SRSF11: variants seen among roughly 807,000 people sequenced by gnomAD.
SRSF11 encodes serine and arginine rich splicing factor 11.
In SRSF11, 9 loss-of-function variants were observed where a neutral mutation model predicts 56.0. The ratio of observed to expected loss-of-function variants is 0.16; its 90% CI spans 0.10 to 0.28. The LOEUF (loss-of-function observed/expected upper bound fraction) is 0.28, where lower values mean the gene tolerates loss of function less well. SRSF11 is among the 10% of genes least tolerant of loss of function. The pLI is 1.00. For missense variants in SRSF11, 421 were observed against 600.7 expected (o/e 0.70, Z 3.13); for synonymous variants, 222 against 215.3 (o/e 1.03, Z -0.27).
intron 2 of SRSF11, 170 bp downstream of exon 2, chr1:70,228,725 T>C: frequency 7.7e-7 from 1 of 1,294,466 alleles, no homozygotes. Context: ...ATTCTAAAAA[T>C]TAGAAATTAG....
Position 70,252,516 on chromosome 1 carries a change from A to C in SRSF11, c.*1711A>C, listed in dbSNP as rs1678096672. 6.6e-6 allele frequency: 1 copy of C among 152,134 alleles called. No homozygotes were observed. Among genetic ancestry groups the C allele is most frequent in the Admixed American group, 6.6e-5 (1 of 15,266 alleles). 9.4% of individuals were successfully genotyped at this position (152,134 alleles called of 1,614,324 possible). A position where few individuals can be genotyped will look rare whatever the true frequency, so the allele number is the denominator to read the frequency against. ...TTTGTTTTTTTTAACCTAAAAACTG[A>C]AATGCCATATAGAAAAACAGCATTG... On this transcript the variant is annotated 3_prime_UTR_variant, in exon 12 of 12. Transcript: ENST00000370949.
intron 5 of SRSF11, 111 bp downstream of exon 5, chr1:70,235,661 A>G: frequency 2.0e-6 from 2 of 1,024,430 alleles, no homozygotes; most frequent in Middle Eastern, 2.6e-4. Flanking sequence ...TTCTCAAGAC[A>G]AGCAATATGT....
intron 2 of SRSF11, chr1:70,231,257 G>C (rs1317851088): frequency 1.3e-5 from 16 of 1,190,554 alleles, no homozygotes; most frequent in Non-Finnish European, 6.4e-6. Context: ...AAATACTACT[G>C]GTATTTGCAA....
At chr1:70,219,682 T>TTTCTTTAAAA (rs1271363548), upstream of SRSF11, among the ~76,000 whole-genome samples, 1 of 152,206 alleles carries the variant, frequency 6.6e-6, no homozygotes, top group Non-Finnish European at 1.5e-5. Flanking sequence ...GCTATATGCT[T>TTTCTTTAAAA]TTCTTTAAAA....
chr1:70,237,961 T>C (rs1334476200), intron 6 of SRSF11, among the ~76,000 whole-genome samples: 2 of 152,244 alleles, frequency 1.3e-5, no homozygotes, highest in African/African-American at 4.8e-5. Context: ...CTGTTTAAAA[T>C]GATATTTCTT....
At chr1:70,222,271 CTTATTG>C (rs1670818854) in intron 1 of SRSF11, among the ~76,000 whole-genome samples, 1 of 152,200 alleles carries the variant, frequency 6.6e-6, no homozygotes, top group African/African-American at 2.4e-5. Context: ...AGGTTGTTCA[CTTATTG>C]TTATTGCTGT....
chr1:70,232,423 T>A (rs768084444), intron 3 of SRSF11, 46 bp downstream of exon 3: 2 of 1,457,866 alleles, frequency 1.4e-6, no homozygotes, highest in South Asian at 2.5e-5. Context: ...AAAAACAGAA[T>A]TGTGCATAAA....
At chr1:70,219,479 C>A (rs1399000119), upstream of SRSF11, among the ~76,000 whole-genome samples, 1 of 152,184 alleles carries the variant, frequency 6.6e-6, no homozygotes, top group Non-Finnish European at 1.5e-5. Context: ...AAAGTCTGTA[C>A]ATGTTTAGAC....
chr1:70,244,624 A>G lies in SRSF11; in HGVS notation c.801-60A>G, dbSNP rs753035702. On this transcript the variant is annotated intron_variant, in intron 7 of 11. Coordinates refer to ENST00000370949, the MANE Select transcript of SRSF11 (RefSeq NM_001350605.2). ...CCGAATCTTTTGTCTGATACTAAGC[A>G]CAAAATTTATAGTCTTTTTACATTT... 645 of 1,562,368 alleles carry G rather than the reference A, an allele frequency of 4.1e-4. 2 individuals carry two copies. Among genetic ancestry groups the G allele is most frequent in the Non-Finnish European group, 5.4e-4 (623 of 1,147,586 alleles).
chr1:70,227,404 G>C (rs192961475), intron 1 of SRSF11, among the ~76,000 whole-genome samples: 284 of 152,214 alleles, frequency 1.9e-3, no homozygotes, highest in African/African-American at 6.7e-3. Flanking sequence ...AAAATTGTCA[G>C]AGAGAATTAA....
chr1:70,227,587 G>T (rs1266198476), intron 1 of SRSF11, among the ~76,000 whole-genome samples: 1 of 152,116 alleles, frequency 6.6e-6, no homozygotes, highest in African/African-American at 2.4e-5. Flanking sequence ...TTTGGTATGG[G>T]CTTGAGCCAT....
chr1:70,230,446 A>G, intron 2 of SRSF11: 1 of 1,185,550 alleles, frequency 8.4e-7, no homozygotes, highest in Non-Finnish European at 1.1e-6. Context: ...AGATAGCTGA[A>G]TTTGGAAGGA....
chr1:70,246,379 G>C (rs556280660), intron 8 of SRSF11, among the ~76,000 whole-genome samples: 1 of 152,246 alleles, frequency 6.6e-6, no homozygotes, highest in Non-Finnish European at 1.5e-5. Context: ...GATAGAGGTT[G>C]ACATGGGATG....
chr1:70,226,105 C>T (rs1011219384), intron 1 of SRSF11, among the ~76,000 whole-genome samples: 2 of 151,680 alleles, frequency 1.3e-5, no homozygotes, highest in African/African-American at 2.4e-5. Context: ...GCAGGAGAAT[C>T]GCTTGAACCT....
intron 1 of SRSF11, among the ~76,000 whole-genome samples, chr1:70,206,889 CT>C (rs755835751): frequency 0.093 from 11,108 of 118,948 alleles, 321 homozygotes; most frequent in East Asian, 0.26. Context: ...GGATTTTTGT[CT>C]TTTTTTTTTT....
upstream of SRSF11, chr1:70,218,695 TATAGTAGGCACTC>T (rs1670240422): frequency 6.6e-6 from 1 of 152,218 alleles, no homozygotes; most frequent in Non-Finnish European, 1.5e-5. Context: ...ATGCGTGGCA[TATAGTAGGCACTC>T]ACAATAAATG....
chr1:70,247,300 G>A (rs1676978832), intron 9 of SRSF11, among the ~76,000 whole-genome samples: 1 of 151,966 alleles, frequency 6.6e-6, no homozygotes, highest in Non-Finnish European at 1.5e-5. Flanking sequence ...TGAATTAATG[G>A]GAAGCAATGC....
Position 70,250,764 on chromosome 1 carries a change from G to C in SRSF11, c.1414G>C (p.Gly472Arg). The change falls in exon 12 of 12, where the codon GGG becomes CGG. Residue 472 changes from glycine to arginine, a missense_variant. Physicochemically the swap from Gly to Arg is moderately radical, Grantham distance 125. Transcript: ENST00000370949. ...TTCACTAAGAGAATCCAAAGTGAAT[G>C]GGGATGATCATCATGAAGAAGACAT... ...GDSLRESKVN[G>R]DDHHEEDMDM... 1 of 1,613,972 alleles carries C rather than the reference G, an allele frequency of 6.2e-7. No homozygotes were observed.
intron 8 of SRSF11, among the ~76,000 whole-genome samples, chr1:70,246,127 T>C (rs979066718): frequency 2.6e-5 from 4 of 152,086 alleles, no homozygotes; most frequent in African/African-American, 9.7e-5. Context: ...TAGAGAATAG[T>C]TAAAGAGGGG....
Sources: gnomAD v4.1 joint callset for allele counts (sites outside exome capture counted in the v4.1 genomes callset) on GRCh38, gnomAD v4.1.1 for gene constraint, MANE v1.5 for transcripts, NCBI Gene and HGNC (gene_info 2026-07-23, HGNC 2026-07-21) for gene names.